Variants in CPSF2 observed in about 807,000 individuals in gnomAD.
The protein encoded by CPSF2 is cleavage and polyadenylation specific factor 2.
Under a neutral mutation model 84.2 loss-of-function variants are expected in CPSF2, and 51 were observed. The ratio of observed to expected loss-of-function variants is 0.61; its 90% confidence interval spans 0.48 to 0.77. The LOEUF (loss-of-function observed/expected upper bound fraction) is 0.77, where lower values mean the gene tolerates loss of function less well. Ranked by LOEUF, CPSF2 falls within the 30% of genes least tolerant of loss-of-function variation. The pLI, the probability that CPSF2 is intolerant of heterozygous loss-of-function variation, is 0.00. For synonymous variants in CPSF2, 286 were observed against 311.9 expected, an observed-to-expected ratio of 0.92 and a Z score of 0.87; for missense variants, 641 against 929.4, an observed-to-expected ratio of 0.69 and a Z score of 4.03.
chr14:92,142,899 A>T (rs1185186510), intron 8 of CPSF2, 105 bp from the exon 9 acceptor site: 4 of 984,964 alleles, frequency 4.1e-6, no homozygotes. Flanking sequence ...AATTTAAGCA[A>T]CCAGTGGGGG....
At chr14:92,142,107 A>G (rs2069085862) in intron 7 of CPSF2, 57 bp from the exon 8 acceptor site, 1 of 1,268,134 alleles carries the variant, frequency 7.9e-7, no homozygotes, top group African/African-American at 1.5e-5. Context: ...AATTATCTTT[A>G]ATTTTGTAGC....
At chr14:92,144,070 C>G (rs1225156200) in intron 9 of CPSF2, among the ~76,000 whole-genome samples, 1 of 152,154 alleles carries the variant, frequency 6.6e-6, no homozygotes, top group African/African-American at 2.4e-5. Context: ...ATTGCAGCTT[C>G]CTAGCTACTT....
intron 9 of CPSF2, among the ~76,000 whole-genome samples, chr14:92,148,804 T>C (rs1051492384): frequency 1.3e-5 from 2 of 150,354 alleles, no homozygotes; most frequent in Non-Finnish European, 3.0e-5. Context: ...AATGTATATA[T>C]ATATATGTAG....
In CPSF2 at chr14:92,124,694, C is replaced by T. The variant is rs986691248; in HGVS notation, c.-93-1428C>T. On this transcript the variant is annotated intron_variant, in intron 1 of 15. Transcript: ENST00000298875. ...TGTAGCTATTGAGCACTTCAGATGT[C>T]GTTAGTCTATTTGAAATGTGCTGTA... 1.4e-4 allele frequency among the ~76,000 whole-genome samples: 22 copies of T among 151,904 alleles called. 1 individual carries two copies. The highest frequency in any genetic ancestry group is 1.2e-3 in the Admixed American group (18 of 15,262).
Position 92,165,994 on chromosome 14 carries a change from G to A in CPSF2, c.*4250G>A, listed in dbSNP as rs2141490842. ...CTCCTGCCTCAGCCTCCTGAGTACT[G>A]GGATTACAGGCACCCACCACCATGC... On this transcript the variant is annotated 3_prime_UTR_variant, in exon 16 of 16. Coordinates refer to ENST00000298875, the MANE Select transcript of CPSF2 (RefSeq NM_017437.3). The A allele has an allele frequency of 6.6e-6, 1 of 150,594 alleles. No homozygotes were observed. Among genetic ancestry groups the A allele is most frequent in the South Asian group, 2.1e-4 (1 of 4,756 alleles). 9.3% of individuals were successfully genotyped at this position (150,594 alleles called of 1,614,324 possible).
intron 4 of CPSF2, 32 bp downstream of exon 4, chr14:92,134,202 C>A (rs201289801): frequency 1.1e-4 from 181 of 1,611,670 alleles, no homozygotes; most frequent in Admixed American, 2.3e-4. Context: ...ATTTTGTTAG[C>A]ACTCCTTCAG....
At position 92,165,462 on chromosome 14, in the gene CPSF2, GTCA is replaced by G. The variant is rs1334238608; in HGVS notation, c.*3723_*3725del. ...TTTATTACTCCCTTTTTAAATTTTA[GTCA>G]TCATAGTGTGGGTGAAGAAGTGTCT... On this transcript the variant is annotated 3_prime_UTR_variant, in exon 16 of 16. Transcript: ENST00000298875. 2.0e-5 allele frequency: 3 copies of G among 151,958 alleles called. No individual in the cohort carries two copies. Among genetic ancestry groups the G allele is most frequent in the African/African-American group, 7.3e-5 (3 of 41,378 alleles). 9.4% of individuals were successfully genotyped at this position (151,958 alleles called of 1,614,324 possible). A position where few individuals can be genotyped will look rare whatever the true frequency, so the allele number is the denominator to read the frequency against.
chr14:92,162,953 G>T lies in CPSF2; in HGVS notation c.*1209G>T, dbSNP rs2069394451. 2 of 152,052 alleles carry T rather than the reference G, an allele frequency of 1.3e-5. No homozygotes were observed. The highest frequency in any genetic ancestry group is 4.1e-4 in the South Asian group (2 of 4,830). 9.4% of individuals were successfully genotyped at this position (152,052 alleles called of 1,614,324 possible). ...TTTTGAGACAGAGTCACCCAGGCTG[G>T]AGTGCAGTGGTGAGATTTTGGCTCA... is the stretch of plus-strand genomic sequence containing the variant. On this transcript the variant is annotated 3_prime_UTR_variant, in exon 16 of 16. Coordinates refer to ENST00000298875, the MANE Select transcript of CPSF2 (RefSeq NM_017437.3).
chr14:92,159,995 C>T (rs1188524636), intron 14 of CPSF2, among the ~76,000 whole-genome samples: 1 of 151,882 alleles, frequency 6.6e-6, no homozygotes, highest in African/African-American at 2.4e-5. Context: ...TGGAGTCTCG[C>T]TCTGTTGCCC....
At chr14:92,123,219 C>T (rs2068800666) in intron 1 of CPSF2, among the ~76,000 whole-genome samples, 1 of 152,134 alleles carries the variant, frequency 6.6e-6, no homozygotes, top group Non-Finnish European at 1.5e-5. Context: ...ACCTCTGCCT[C>T]CCGGGTTCAA....
chr14:92,140,241 C>T (rs141513761), intron 7 of CPSF2, among the ~76,000 whole-genome samples: 3,306 of 151,896 alleles, frequency 0.022, 128 homozygotes, highest in African/African-American at 0.076. Flanking sequence ...CGTGAGCCAC[C>T]GCGCCCTGCC....
At chr14:92,160,677 A>G (rs111845737) in intron 14 of CPSF2, among the ~76,000 whole-genome samples, 2 of 152,344 alleles carry the variant, frequency 1.3e-5, no homozygotes, top group East Asian at 1.9e-4. Context: ...CATCCATTAC[A>G]TTTGCTCTGA....
Position 92,157,680 on chromosome 14 carries a change from C to T in CPSF2, c.1617C>T (p.Asp539=), listed in dbSNP as rs144197392. The change falls in exon 13 of 16, where the codon GAC becomes GAT. Residue 539 remains aspartate (D), a synonymous_variant. Transcript: ENST00000298875. The surrounding 1 kb of genome is among the most constrained non-coding windows in gnomAD (Gnocchi z 4.0). ...ACAGAGCCCGGGTTACCTACATAGACTATGAAGGACGCTCTGATGGGGATT... is the reference window on the plus strand; with the variant it reads ...ACAGAGCCCGGGTTACCTACATAGATTATGAAGGACGCTCTGATGGGGATT... ...IEIKARVTYI[D]YEGRSDGDSI... 1.2e-5 allele frequency: 20 copies of T among 1,613,408 alleles called. No homozygotes were observed. In the African/African-American group the frequency reaches 2.0e-4, roughly 16 times the overall value.
rs2069088540 is a variant in CPSF2, at chr14:92,142,283, T to C, written c.781T>C (p.Leu261=). Residue 261 remains leucine (L), a synonymous_variant, in exon 8 of 16, where the codon TTG becomes CTG. Transcript: ENST00000298875. Reference sequence around the variant, plus strand: ...GATTTGGAGGACTAAAGATGCAGGATTGGGTGTTTACTCATTGGCACTCCT... The same window carrying C: ...GATTTGGAGGACTAAAGATGCAGGACTGGGTGTTTACTCATTGGCACTCCT... ...DQIWRTKDAG[L]GVYSLALLNN... The C allele has an allele frequency of 6.2e-7, 1 of 1,614,068 alleles. No individual in the cohort carries two copies. The highest frequency in any genetic ancestry group is 8.5e-7 in the Non-Finnish European group (1 of 1,179,960).
chr14:92,148,763 C>G (rs1169277657), intron 9 of CPSF2, among the ~76,000 whole-genome samples: 1 of 144,376 alleles, frequency 6.9e-6, no homozygotes, highest in Non-Finnish European at 1.5e-5. Context: ...TATAGCAAGG[C>G]CTCTTCTCAA....
intron 6 of CPSF2, among the ~76,000 whole-genome samples, chr14:92,136,200 A>G (rs922592223): frequency 6.6e-6 from 1 of 152,194 alleles, no homozygotes; most frequent in African/African-American, 2.4e-5. Flanking sequence ...TTATCTGTAC[A>G]TTAAGTTCAT....
In CPSF2 at chr14:92,154,430, G is replaced by A; in HGVS notation, c.1213G>A (p.Ala405Thr). The A allele has an allele frequency of 6.2e-7, 1 of 1,609,112 alleles. No homozygotes were observed. The highest frequency in any genetic ancestry group is 8.5e-7 in the Non-Finnish European group (1 of 1,178,126). Residue 405 changes from alanine (A) to threonine (T), a missense_variant, in exon 10 of 16, where the codon GCT (alanine) becomes ACT (threonine). Ala to Thr is a moderately conservative substitution (Grantham distance 58). This residue lies in a region of CPSF2 where 430 missense variants were observed against 553.6 expected (regional missense o/e 0.78). Coordinates refer to ENST00000298875, the MANE Select transcript of CPSF2 (RefSeq NM_017437.3). ...GGAAAAAGAGAAACTAAAGAAAGAA[G>A]CTGCCAAAAAGCTTGAGCAGTCAAA... The part of the protein sequence containing the change: ...YLEKEKLKKE[A>T]AKKLEQSKEA...
intron 9 of CPSF2, among the ~76,000 whole-genome samples, 174 bp downstream of exon 9, chr14:92,143,468 T>A (rs904789106): frequency 3.3e-5 from 5 of 152,100 alleles, no homozygotes; most frequent in African/African-American, 1.2e-4. Context: ...CTCGGGAGGC[T>A]GAGGCGGAAG....
chr14:92,157,116 T>G lies in CPSF2; in HGVS notation c.1595+485T>G, dbSNP rs117053839. On this transcript the variant is annotated intron_variant, in intron 12 of 15. Coordinates refer to ENST00000298875, the MANE Select transcript of CPSF2 (RefSeq NM_017437.3). The surrounding 1 kb of genome is among the most constrained non-coding windows in gnomAD (Gnocchi z 4.0). ...TTAGTTAAATAATACCAGTAAGTGATCATTTTGGAATTTCTTTTAAGTCAT... is the reference window on the plus strand; with the variant it reads ...TTAGTTAAATAATACCAGTAAGTGAGCATTTTGGAATTTCTTTTAAGTCAT... 3.3e-5 allele frequency among the ~76,000 whole-genome samples: 5 copies of G among 152,330 alleles called. No homozygotes were observed. Among genetic ancestry groups the G allele is most frequent in the Admixed American group, 1.3e-4 (2 of 15,298 alleles).
Sources: gnomAD v4.1 joint callset for allele counts (sites outside exome capture counted in the v4.1 genomes callset) on GRCh38, gnomAD v4.1.1 for gene constraint, gnomAD v4.1.1 regional missense constraint, Gnocchi (gnomAD v3.1) non-coding constraint, MANE v1.5 for transcripts, NCBI Gene and HGNC (gene_info 2026-07-23, HGNC 2026-07-21) for gene names.